The following TRIO variants were observed in gnomAD, a reference collection of about 807,000 sequenced individuals.
TRIO encodes triple functional domain protein.
TRIO carries 58 observed loss-of-function variants against 351.9 expected under a neutral mutation model. The observed-to-expected ratio is 0.16, with a 90% confidence interval of 0.13 to 0.21. The LOEUF (loss-of-function observed/expected upper bound fraction) is 0.21, where lower values mean the gene tolerates loss of function less well. Among genes scored for constraint, TRIO ranks in the 10% least tolerant of loss-of-function variants. The probability of loss-of-function intolerance (pLI) is 1.00; values close to 1 mark genes in which losing one functional copy is unlikely to be tolerated. For missense variants in TRIO, 3,201 were observed against 4,027.8 expected (o/e 0.79, Z 5.56); for synonymous variants, 1,758 against 1,595.7 (o/e 1.10, Z -2.42).
intron 6 of TRIO, among the ~76,000 whole-genome samples, chr5:14,295,311 G>A (rs1737253438): frequency 6.6e-6 from 1 of 152,218 alleles, no homozygotes; most frequent in East Asian, 1.9e-4. Flanking sequence ...TGATAAGCCT[G>A]TAGGTGTAGG....
At chr5:14,456,139 A>G (rs1753281586) in intron 34 of TRIO, among the ~76,000 whole-genome samples, 1 of 152,230 alleles carries the variant, frequency 6.6e-6, no homozygotes. Context: ...GCCTGGGGCC[A>G]GTGGCGCTGG....
At chr5:14,212,229 C>A (rs549746611) in intron 1 of TRIO, among the ~76,000 whole-genome samples, 1 of 152,102 alleles carries the variant, frequency 6.6e-6, no homozygotes, top group Non-Finnish European at 1.5e-5. Context: ...GAATTATAAA[C>A]AGGTGGCATG....
chr5:14,488,944 C>T (rs566398263), intron 48 of TRIO: 7 of 764,022 alleles, frequency 9.2e-6, no homozygotes, highest in African/African-American at 1.7e-5. Flanking sequence ...ATCACTCATG[C>T]TGCCGTCTCA....
chr5:14,232,521 G>A (rs1237330970), intron 1 of TRIO, among the ~76,000 whole-genome samples: 3 of 152,164 alleles, frequency 2.0e-5, no homozygotes, highest in Non-Finnish European at 2.9e-5. Context: ...TCTAAGCTCC[G>A]CAAGGGCAGG....
chr5:14,343,210 T>C (rs996648788), intron 11 of TRIO, among the ~76,000 whole-genome samples: 1 of 152,186 alleles, frequency 6.6e-6, no homozygotes, highest in Non-Finnish European at 1.5e-5. Context: ...ACACTGACTT[T>C]GCTGCAGCCC....
At chr5:14,168,979 C>T (rs1050049103) in intron 1 of TRIO, among the ~76,000 whole-genome samples, 4 of 152,212 alleles carry the variant, frequency 2.6e-5, no homozygotes, top group Middle Eastern at 3.2e-3. Flanking sequence ...GACTGTCCTA[C>T]CTGCAATCTG....
At chr5:14,460,371 C>T (rs779509366) in intron 34 of TRIO, among the ~76,000 whole-genome samples, 3 of 152,334 alleles carry the variant, frequency 2.0e-5, no homozygotes, top group Middle Eastern at 3.4e-3. Context: ...GCCGCTCCTC[C>T]GAGAGCCCCA....
intron 34 of TRIO, among the ~76,000 whole-genome samples, chr5:14,447,689 T>C (rs1310236746): frequency 6.6e-6 from 1 of 152,214 alleles, no homozygotes; most frequent in Non-Finnish European, 1.5e-5. Context: ...TCATTTTTTT[T>C]CAACAAATCA....
In TRIO at chr5:14,145,559, A is replaced by G. The variant is rs572745564; in HGVS notation, c.157+1677A>G. ...GAGCAGCCCCGTCTTACCTCTTAAT[A>G]GCAGAACTGGGACGTATTCCCTTCA... is the stretch of plus-strand genomic sequence containing the variant. On this transcript the variant is annotated intron_variant, in intron 1 of 56. Transcript: ENST00000344204. Among the ~76,000 whole-genome samples, 39 of 151,408 alleles carry G rather than the reference A, an allele frequency of 2.6e-4. No homozygotes were observed. The South Asian group carries it at 3.8e-3, about 15-fold the overall frequency.
At chr5:14,425,681 G>A (rs555212457) in intron 34 of TRIO, among the ~76,000 whole-genome samples, 267 of 152,316 alleles carry the variant, frequency 1.8e-3, no homozygotes, top group African/African-American at 6.3e-3. Context: ...GAGGTGGACT[G>A]TTGGGTGGTA....
intron 1 of TRIO, 139 bp from the exon 2 acceptor site, chr5:14,270,686 T>A (rs1168047124): frequency 8.8e-6 from 6 of 681,738 alleles, no homozygotes; most frequent in Non-Finnish European, 1.5e-5. Flanking sequence ...GGAATTTAAA[T>A]GTTGTGCTAT....
chr5:14,380,313 CTCCTTCGCGCCCCGCCTCCTCCT>C lies in TRIO; in HGVS notation c.3448-814_3448-792del, dbSNP rs1334985244. On this transcript the variant is annotated intron_variant, in intron 20 of 56. Coordinates refer to ENST00000344204, the MANE Select transcript of TRIO (RefSeq NM_007118.4). ...CGCCTCCTCCTTCGCGCCCCGCCTC[CTCCTTCGCGCCCCGCCTCCTCCT>C]TCGCTCCTCGCTCCTCGCTCCTCCC... Among the ~76,000 whole-genome samples, 891 of 123,270 alleles carry C rather than the reference CTCCTTCGCGCCCCGCCTCCTCCT, an allele frequency of 7.2e-3. 11 individuals are homozygous for C. Among genetic ancestry groups the C allele is most frequent in the African/African-American group, 0.037 (855 of 22,970 alleles). 80.9% of individuals were successfully genotyped at this position (123,270 alleles called of 152,430 possible).
intron 9 of TRIO, among the ~76,000 whole-genome samples, chr5:14,329,193 A>G (rs1404786302): frequency 6.6e-6 from 1 of 152,208 alleles, no homozygotes. Context: ...TAGCAGAGCC[A>G]TGGCTGGTTG....
chr5:14,322,832 T>C (rs1740008085), intron 9 of TRIO, among the ~76,000 whole-genome samples: 2 of 152,246 alleles, frequency 1.3e-5, no homozygotes, highest in Admixed American at 6.5e-5. Flanking sequence ...TGCCATCTTC[T>C]CTGAGTTCTC....
intron 21 of TRIO, 110 bp from the exon 22 acceptor site, chr5:14,387,328 G>A: frequency 2.7e-6 from 3 of 1,125,420 alleles, no homozygotes; most frequent in Non-Finnish European, 1.3e-6. Flanking sequence ...TCTACCATCA[G>A]CCGGTTTTCC....
At chr5:14,421,372 G>C (rs1308594307) in intron 34 of TRIO, among the ~76,000 whole-genome samples, 1 of 151,534 alleles carries the variant, frequency 6.6e-6, no homozygotes, top group African/African-American at 2.4e-5. Context: ...GGGAAGCTGA[G>C]GTGGGTGGCT....
intron 1 of TRIO, among the ~76,000 whole-genome samples, chr5:14,172,585 G>A (rs1173417477): frequency 4.6e-5 from 7 of 152,162 alleles, no homozygotes; most frequent in Non-Finnish European, 1.0e-4. Flanking sequence ...AAACACATTT[G>A]GTCACAATAA....
intron 21 of TRIO, among the ~76,000 whole-genome samples, chr5:14,382,551 C>T (rs562070445): frequency 7.9e-5 from 12 of 152,222 alleles, no homozygotes; most frequent in Admixed American, 6.5e-5. Context: ...GAGGGCAGGG[C>T]GCAGGACCAG....
At chr5:14,484,918 C>T (rs906219100) in intron 46 of TRIO, 151 bp from the exon 47 acceptor site, 16 of 668,556 alleles carry the variant, frequency 2.4e-5, no homozygotes, top group African/African-American at 1.5e-4. Flanking sequence ...TCATCCATGT[C>T]GTATTGTGTG....
Sources: allele counts gnomAD v4.1 joint callset (sites outside exome capture counted in the v4.1 genomes callset), GRCh38; gene constraint gnomAD v4.1.1; transcripts MANE v1.5; gene names NCBI Gene and HGNC (gene_info 2026-07-23, HGNC 2026-07-21).